The following NPEPL1 variants were observed in gnomAD, a reference collection of about 807,000 sequenced individuals.
NPEPL1 encodes aminopeptidase like 1, also known as probable aminopeptidase NPEPL1.
In NPEPL1, 45 loss-of-function variants were observed where a neutral mutation model predicts 52.4. The ratio of observed to expected loss-of-function variants is 0.86; its 90% confidence interval spans 0.68 to 1.10. The LOEUF is 1.10. Among genes scored for constraint, NPEPL1 ranks in the 50% least tolerant of loss-of-function variants. The pLI is 0.00. For synonymous variants in NPEPL1, 360 were observed against 314.7 expected, an observed-to-expected ratio of 1.14 and a Z score of -1.52; for missense variants, 696 against 710.9, an observed-to-expected ratio of 0.98 and a Z score of 0.24.
At chr20:58,702,230 G>A (rs2084642599) in intron 6 of NPEPL1, among the ~76,000 whole-genome samples, 2 of 152,262 alleles carry the variant, frequency 1.3e-5, no homozygotes, top group Non-Finnish European at 2.9e-5. Flanking sequence ...GCACTCAGAA[G>A]GTCTGCCAGT....
chr20:58,701,220 G>T, intron 6 of NPEPL1, 62 bp downstream of exon 6: 2 of 927,440 alleles, frequency 2.2e-6, no homozygotes, highest in Middle Eastern at 4.5e-4. Flanking sequence ...GAGGTGCAGG[G>T]CCCGGCTCTC....
At chr20:58,696,711 A>G (rs527800599) in intron 3 of NPEPL1, among the ~76,000 whole-genome samples, 3 of 152,372 alleles carry the variant, frequency 2.0e-5, no homozygotes, top group African/African-American at 7.2e-5. Flanking sequence ...TTCCAAAGGC[A>G]CATCTGGGTG....
intron 11 of NPEPL1, 22 bp from the exon 12 acceptor site, chr20:58,715,146 G>A (rs372413394): frequency 2.5e-6 from 4 of 1,589,358 alleles, no homozygotes; most frequent in Non-Finnish European, 3.4e-6. Flanking sequence ...CCCAGAGTCT[G>A]TGTCCTGCCC....
rs557544759 is a variant in NPEPL1, at chr20:58,705,510, C to T, written c.823-1613C>T. The T allele has an allele frequency of 4.4e-4, 200 of 456,270 alleles. 2 individuals are homozygous for T. Among genetic ancestry groups the T allele is most frequent in the Middle Eastern group, 2.3e-3 (7 of 3,076 alleles). The allele number at this position is 456,270 out of a possible 1,614,324, so 28.3% of individuals were successfully genotyped here. On this transcript the variant is annotated intron_variant, in intron 6 of 11. Transcript: ENST00000356091. ...TTCATTTTCCCAGAGGGCACGGAAACGAATACAGTGGCTCCCGGACCTCTT... is the reference window on the plus strand; with the variant it reads ...TTCATTTTCCCAGAGGGCACGGAAATGAATACAGTGGCTCCCGGACCTCTT...
In NPEPL1 at chr20:58,702,325, C is replaced by T. The variant is rs957712915; in HGVS notation, c.822+1167C>T. Among the ~76,000 whole-genome samples, 5 of 152,304 alleles carry T rather than the reference C, an allele frequency of 3.3e-5. No individual in the cohort carries two copies. In the East Asian group the frequency reaches 5.8e-4, roughly 18 times the overall value. The stretch of plus-strand genomic sequence containing the variant: ...GTCACCCATTCTCCAGTTTGGTTTG[C>T]GGTAGGCCCCACCACTTGCTGCTGC... On this transcript the variant is annotated intron_variant, in intron 6 of 11. Transcript: ENST00000356091.
At position 58,694,777 on chromosome 20, in the gene NPEPL1, C is replaced by T. The variant is rs1224494830; in HGVS notation, c.507+185C>T. Among the ~76,000 whole-genome samples the T allele has an allele frequency of 2.6e-5, 4 of 152,204 alleles. No individual in the cohort carries two copies. In the South Asian group the frequency reaches 6.2e-4, roughly 24 times the overall value. On this transcript the variant is annotated intron_variant, in intron 3 of 11. Transcript: ENST00000356091. ...CCCAGGCCCCCTGCCTCTGCCTCAG[C>T]GTGGTCTGTGACTTCAGGATTCTGT... is the stretch of plus-strand genomic sequence containing the variant.
rs1416187704 is a variant in NPEPL1, at chr20:58,713,683, T to C, written c.1125+140T>C. 4.6e-6 allele frequency: 6 copies of C among 1,295,666 alleles called. No individual in the cohort carries two copies. In the East Asian group the frequency reaches 1.5e-4, roughly 33 times the overall value. 80.3% of individuals were successfully genotyped at this position (1,295,666 alleles called of 1,614,324 possible). Reference sequence around the variant, plus strand: ...CTGGGCACGAGGAGGCAGGAGGAGCTGCCCGTCAAGCTTGGTGTGGGCAGT... The same window carrying C: ...CTGGGCACGAGGAGGCAGGAGGAGCCGCCCGTCAAGCTTGGTGTGGGCAGT... On this transcript the variant is annotated intron_variant, in intron 9 of 11. Coordinates refer to ENST00000356091, the MANE Select transcript of NPEPL1 (RefSeq NM_024663.4). This position sits in a 1 kb window ranked among gnomAD's most constrained non-coding sequence, Gnocchi z 4.6.
chr20:58,694,080 GAC>G (rs2123078785), intron 2 of NPEPL1, among the ~76,000 whole-genome samples, 158 bp downstream of exon 2: 1 of 152,358 alleles, frequency 6.6e-6, no homozygotes, highest in African/African-American at 2.4e-5. Context: ...GGTCCAGAGA[GAC>G]GCGGGGATTT....
At chr20:58,699,560 A>G (rs1291505484) in intron 5 of NPEPL1, among the ~76,000 whole-genome samples, 2 of 152,168 alleles carry the variant, frequency 1.3e-5, no homozygotes, top group East Asian at 1.9e-4. Context: ...CGTGCTGCAC[A>G]CCCTTACTCC....
rs776353016 is a variant in NPEPL1 at position 58,693,856 on chromosome 20, G to A, written c.270G>A (p.Ser90=). 1.2e-6 allele frequency: 2 copies of A among 1,613,574 alleles called. No homozygotes were observed. Among genetic ancestry groups the A allele is most frequent in the South Asian group, 1.1e-5 (1 of 91,080 alleles). Residue 90 remains serine, a synonymous_variant, in exon 2 of 12, where the codon TCG becomes TCA. Coordinates refer to ENST00000356091, the MANE Select transcript of NPEPL1 (RefSeq NM_024663.4). Reference sequence around the variant, plus strand: ...GGGTGAGCCGGCACAACAGCCCCTCGGCCGCCCACTTCATCACGCGGCTGG... The same window carrying A: ...GGGTGAGCCGGCACAACAGCCCCTCAGCCGCCCACTTCATCACGCGGCTGG... ...PCRVSRHNSP[S]AAHFITRLVR...
At position 58,714,110 on chromosome 20, in the gene NPEPL1, GAACCTGGAGCCTGCCACATGGGTGGA is replaced by G; in HGVS notation, c.1302+18_1302+43del. 1 of 1,530,480 alleles carries G rather than the reference GAACCTGGAGCCTGCCACATGGGTGGA, an allele frequency of 6.5e-7. No homozygotes were observed. Among genetic ancestry groups the G allele is most frequent in the Non-Finnish European group, 8.8e-7 (1 of 1,141,392 alleles). The allele number at this position is 1,530,480 out of a possible 1,614,324, so 94.8% of individuals were successfully genotyped here. Reference sequence around the variant, plus strand: ...TCAGTGGCGGTAGGTTTGGAGCCTCGAACCTGGAGCCTGCCACATGGGTGGAGCCGGGCAGGCGGAGCCCTGCCTTC... The same window carrying G: ...TCAGTGGCGGTAGGTTTGGAGCCTCGGCCGGGCAGGCGGAGCCCTGCCTTC... On this transcript the variant is annotated intron_variant, in intron 10 of 11. Transcript: ENST00000356091.
intron 7 of NPEPL1, among the ~76,000 whole-genome samples, chr20:58,708,467 T>C (rs1333318549): frequency 6.6e-6 from 1 of 152,222 alleles, no homozygotes; most frequent in African/African-American, 2.4e-5. Flanking sequence ...GGCTCACGGC[T>C]GTTTCTCTCG....
chr20:58,698,873 G>A (rs1209993493), intron 4 of NPEPL1, 100 bp downstream of exon 4: 10 of 1,022,582 alleles, frequency 9.8e-6, no homozygotes, highest in Middle Eastern at 2.1e-4. Context: ...ACACCCTGAC[G>A]TGGCCAGGGA....
upstream of NPEPL1, chr20:58,691,364 C>CTTTTTTTT (rs59929508): frequency 9.0e-5 from 16 of 177,310 alleles, 4 homozygotes; most frequent in Admixed American, 2.9e-4. Flanking sequence ...CATTCAACAG[C>CTTTTTTTT]TTTTTTTTTT....
At position 58,693,911 on chromosome 20, in the gene NPEPL1, C is replaced by T; in HGVS notation, c.325C>T (p.Arg109Cys). 6.2e-7 allele frequency: 1 copy of T among 1,602,962 alleles called. No individual in the cohort carries two copies. Among genetic ancestry groups the T allele is most frequent in the East Asian group, 2.3e-5 (1 of 44,198 alleles). ...GACCTGCCTGCCGCCCGGAGCGCATCGCTGCATTGTGGTGAGTGCTTCGAG... is the reference window on the plus strand; with the variant it reads ...GACCTGCCTGCCGCCCGGAGCGCATTGCTGCATTGTGGTGAGTGCTTCGAG... ...VRTCLPPGAH[R>C]CIVMVCEQPE... Residue 109 changes from arginine (R) to cysteine (C), a missense_variant, in exon 2 of 12, where the codon CGC becomes TGC. Transcript: ENST00000356091.
Position 58,713,482 on chromosome 20 carries a change from A to G in NPEPL1, c.1064A>G (p.Tyr355Cys), listed in dbSNP as rs560635798. Residue 355 changes from tyrosine to cysteine, a missense_variant, in exon 9 of 12, where the codon TAT becomes TGT. Tyr to Cys is a radical substitution (Grantham distance 194). Coordinates refer to ENST00000356091, the MANE Select transcript of NPEPL1 (RefSeq NM_024663.4). The surrounding 1 kb of genome is among the most constrained non-coding windows in gnomAD (Gnocchi z 4.6). ...CTGGTGCTGGCAGATGGCGTGTCCTATGCTTGCAAGGACCTGGGGGCCGAC... is the reference window on the plus strand; with the variant it reads ...CTGGTGCTGGCAGATGGCGTGTCCTGTGCTTGCAAGGACCTGGGGGCCGAC... ...GRLVLADGVS[Y>C]ACKDLGADII... 1.9e-6 allele frequency: 3 copies of G among 1,611,610 alleles called. No homozygotes were observed. Among genetic ancestry groups the G allele is most frequent in the Non-Finnish European group, 2.5e-6 (3 of 1,179,142 alleles).
rs374053716 is a variant in NPEPL1 at position 58,714,021 on chromosome 20, G to T, written c.1230G>T (p.Pro410=). The change falls in exon 10 of 12, where the codon CCG becomes CCT. Residue 410 remains proline, a synonymous_variant. Coordinates refer to ENST00000356091, the MANE Select transcript of NPEPL1 (RefSeq NM_024663.4). ...AGRKCGDLVH[P]LVYCPELHFS... is the part of the protein sequence containing the mutation. ...GGAAGTGTGGGGACCTGGTGCACCC[G>T]CTGGTCTACTGCCCCGAGCTGCACT... 2 of 1,528,994 alleles carry T rather than the reference G, an allele frequency of 1.3e-6. No homozygotes were observed. The highest frequency in any genetic ancestry group is 2.8e-5 in the African/African-American group (2 of 71,420). The allele number at this position is 1,528,994 out of a possible 1,614,324, so 94.7% of individuals were successfully genotyped here. A position where few individuals can be genotyped will look rare whatever the true frequency, so the allele number is the denominator to read the frequency against.
chr20:58,700,975 TCAGCC>T lies in NPEPL1; in HGVS notation c.680-39_680-35del, dbSNP rs1158254880. 2.1e-6 allele frequency: 3 copies of T among 1,455,476 alleles called. No individual in the cohort carries two copies. The East Asian group carries it at 8.5e-5, about 41-fold the overall frequency. The allele number at this position is 1,455,476 out of a possible 1,614,324, so 90.2% of individuals were successfully genotyped here. On this transcript the variant is annotated intron_variant, in intron 5 of 11. Coordinates refer to ENST00000356091, the MANE Select transcript of NPEPL1 (RefSeq NM_024663.4). Reference sequence around the variant, plus strand: ...GGCCTCTGGGAGTTCCCCGCTCAGCTCAGCCCGAGCCTAACCCAGTTCTCCCCACG... The same window carrying T: ...GGCCTCTGGGAGTTCCCCGCTCAGCTCGAGCCTAACCCAGTTCTCCCCACG...
Position 58,712,527 on chromosome 20 carries a change from G to A in NPEPL1, c.949G>A (p.Val317Met), listed in dbSNP as rs373262361. 1.9e-5 allele frequency: 31 copies of A among 1,613,680 alleles called. No individual in the cohort carries two copies. The highest frequency in any genetic ancestry group is 2.5e-5 in the Non-Finnish European group (30 of 1,179,846). ...HAVFCLAENS[V>M]GPNATRPDDI... The stretch of plus-strand genomic sequence containing the variant: ...TGTGTTCTGCTTGGCTGAGAACTCG[G>A]TGGGGCCCAATGCGACAAGGCCAGA... Residue 317 changes from valine to methionine, a missense_variant, in exon 8 of 12, where the codon GTG becomes ATG. Val to Met is a conservative substitution (Grantham distance 21, BLOSUM62 1). Coordinates refer to ENST00000356091, the MANE Select transcript of NPEPL1 (RefSeq NM_024663.4).
Sources: gnomAD v4.1 joint callset for allele counts (sites outside exome capture counted in the v4.1 genomes callset) on GRCh38, gnomAD v4.1.1 for gene constraint, Gnocchi (gnomAD v3.1) non-coding constraint, MANE v1.5 for transcripts, NCBI Gene and HGNC (gene_info 2026-07-23, HGNC 2026-07-21) for gene names.